Variants in ERC1 observed in about 807,000 individuals in gnomAD.
ERC1 encodes the protein RAB6 interacting protein 2.
In ERC1, 56 loss-of-function variants were observed where a neutral mutation model predicts 132.0. The ratio of observed to expected loss-of-function variants is 0.42; its 90% CI spans 0.34 to 0.53. The LOEUF (loss-of-function observed/expected upper bound fraction) is 0.53. Ranked by LOEUF, ERC1 falls within the 20% of genes least tolerant of loss-of-function variation. The pLI is 0.03. For missense variants in ERC1, 1,202 were observed against 1,349.9 expected, an observed-to-expected ratio of 0.89 and a Z score of 1.72; for synonymous variants, 478 against 476.1, an observed-to-expected ratio of 1.00 and a Z score of -0.05.
At chr12:1,211,548 A>C (rs1594253426) in intron 12 of ERC1, among the ~76,000 whole-genome samples, 1 of 151,986 alleles carries the variant, frequency 6.6e-6, no homozygotes. Flanking sequence ...TATAACTTGG[A>C]TATAATCAGA....
intron 14 of ERC1, among the ~76,000 whole-genome samples, chr12:1,266,073 T>C (rs1468226418): frequency 6.6e-6 from 1 of 152,140 alleles, no homozygotes; most frequent in African/African-American, 2.4e-5. Context: ...TAACTGTGAG[T>C]GTGATTGCTG....
At chr12:1,197,196 G>A (rs1473748565) in intron 12 of ERC1, among the ~76,000 whole-genome samples, 1 of 151,652 alleles carries the variant, frequency 6.6e-6, no homozygotes, top group African/African-American at 2.4e-5. Flanking sequence ...AACCAGGATG[G>A]TCTCGAACTC....
intron 12 of ERC1, among the ~76,000 whole-genome samples, chr12:1,212,615 G>A (rs542711487): frequency 1.3e-5 from 2 of 152,318 alleles, no homozygotes; most frequent in East Asian, 1.9e-4. Flanking sequence ...GCTTGTGTAC[G>A]ATTCGAACGT....
At chr12:1,350,189 C>G (rs1051753220) in intron 15 of ERC1, among the ~76,000 whole-genome samples, 1 of 152,164 alleles carries the variant, frequency 6.6e-6, no homozygotes, top group African/African-American at 2.4e-5. Context: ...TTCTGTTGTT[C>G]TCACCACAGT....
intron 18 of ERC1, chr12:1,445,064 A>C: frequency 3.8e-6 from 1 of 261,852 alleles, no homozygotes; most frequent in African/African-American, 2.2e-5. Context: ...TACAACATGT[A>C]ATTTTGAAAT....
At position 1,138,720 on chromosome 12, in the gene ERC1, A is replaced by T. The variant is rs796573866; in HGVS notation, c.1570-2900A>T. Among the ~76,000 whole-genome samples, 3 of 152,284 alleles carry T rather than the reference A, an allele frequency of 2.0e-5. No individual in the cohort carries two copies. In the South Asian group the frequency reaches 6.2e-4, roughly 32 times the overall value. On this transcript the variant is annotated intron_variant, in intron 7 of 18. Coordinates refer to ENST00000360905, the MANE Select transcript of ERC1 (RefSeq NM_178040.4). ...ATTCAGAGAATGGCAGTACTGCTGC[A>T]ATGGAGAGCCACTGGAAGTGGGGCA...
chr12:1,166,288 A>G (rs1323805883), intron 8 of ERC1, among the ~76,000 whole-genome samples: 1 of 152,164 alleles, frequency 6.6e-6, no homozygotes, highest in Non-Finnish European at 1.5e-5. Flanking sequence ...TGATGGTTTT[A>G]TAAAGAGAAG....
At chr12:1,482,125 T>C (rs960777451) in intron 18 of ERC1, among the ~76,000 whole-genome samples, 2 of 152,162 alleles carry the variant, frequency 1.3e-5, no homozygotes, top group Non-Finnish European at 2.9e-5. Flanking sequence ...GATGCCCATG[T>C]CTGGCCAGCC....
rs138150458 is a variant in ERC1, at chr12:1,479,868, C to T, written c.3214-10225C>T. On this transcript the variant is annotated intron_variant, in intron 18 of 18. Transcript: ENST00000360905. ...CCGGGTGCCCACGTAGTCAACAGCA[C>T]GGAGCTGTCGTGAGCCGTGCCCTTT... 8.1e-4 allele frequency among the ~76,000 whole-genome samples: 123 copies of T among 152,240 alleles called. 1 individual carries two copies. Among genetic ancestry groups the T allele is most frequent in the East Asian group, 2.7e-3 (14 of 5,170 alleles).
chr12:1,467,513 A>G (rs570333697), intron 18 of ERC1, among the ~76,000 whole-genome samples: 83 of 152,154 alleles, frequency 5.5e-4, no homozygotes, highest in Non-Finnish European at 1.0e-3. Flanking sequence ...GGATTCTCCA[A>G]CTTTAGGCTA....
At chr12:1,189,790 T>C (rs1264411165) in intron 11 of ERC1, 69 bp from the exon 12 acceptor site, 1 of 1,206,966 alleles carries the variant, frequency 8.3e-7, no homozygotes, top group Admixed American at 2.5e-5. Flanking sequence ...TATAAATCAT[T>C]GTTTGGGACA....
intron 13 of ERC1, among the ~76,000 whole-genome samples, chr12:1,241,629 C>A (rs1483153887): frequency 6.6e-6 from 1 of 151,994 alleles, no homozygotes; most frequent in East Asian, 1.9e-4. Flanking sequence ...TGCTTTAATG[C>A]ATGTGGAATT....
rs534667628 is a variant in ERC1, at chr12:1,037,936, C to T, written c.669+9364C>T. Among the ~76,000 whole-genome samples, 8 of 151,444 alleles carry T rather than the reference C, an allele frequency of 5.3e-5. No homozygotes were observed. In the East Asian group the frequency reaches 1.4e-3, roughly 26 times the overall value. ...GCGGGCACCTATAGTCCCAGCTACT[C>T]GGGAGGCTGAGGCAGGAGAATAGCG... On this transcript the variant is annotated intron_variant, in intron 2 of 18. Coordinates refer to ENST00000360905, the MANE Select transcript of ERC1 (RefSeq NM_178040.4).
intron 13 of ERC1, among the ~76,000 whole-genome samples, chr12:1,254,593 A>T (rs1225060088): frequency 6.6e-6 from 1 of 151,954 alleles, no homozygotes; most frequent in African/African-American, 2.4e-5. Context: ...GCTCACTGCA[A>T]CCACCGCCTC....
chr12:1,466,490 G>A (rs2093746300), intron 18 of ERC1, among the ~76,000 whole-genome samples: 1 of 152,128 alleles, frequency 6.6e-6, no homozygotes, highest in Admixed American at 6.6e-5. Context: ...GCCCACCACA[G>A]ACATTATGGG....
intron 16 of ERC1, among the ~76,000 whole-genome samples, chr12:1,386,421 G>A (rs1335364911): frequency 6.6e-6 from 1 of 150,614 alleles, no homozygotes; most frequent in Non-Finnish European, 1.5e-5. Flanking sequence ...GCCAAGGCAG[G>A]CAGATCACTT....
intron 1 of ERC1, chr12:998,559 G>A (rs1359939932): frequency 6.6e-6 from 1 of 152,158 alleles, no homozygotes; most frequent in African/African-American, 2.4e-5. Context: ...CTTCAAAAGA[G>A]GACAGATATT....
intron 15 of ERC1, among the ~76,000 whole-genome samples, chr12:1,344,303 G>A (rs1020839208): frequency 6.6e-6 from 1 of 151,984 alleles, no homozygotes. Context: ...GCTTTTCTTC[G>A]CTAATCATGA....
rs1301222387 is a variant in ERC1 at position 1,188,147 on chromosome 12, A to G, written c.2158-1712A>G. Among the ~76,000 whole-genome samples, 4 of 152,318 alleles carry G rather than the reference A, an allele frequency of 2.6e-5. No homozygotes were observed. In the South Asian group the frequency reaches 8.3e-4, roughly 32 times the overall value. On this transcript the variant is annotated intron_variant, in intron 11 of 18. Transcript: ENST00000360905. ...GGCCTTCACTTTTGTTTACACAATC[A>G]TCTTTTGTGCCCCTACATCAAGCTG...
Sources: gnomAD v4.1 joint callset for allele counts (sites outside exome capture counted in the v4.1 genomes callset) on GRCh38, gnomAD v4.1.1 for gene constraint, MANE v1.5 for transcripts, NCBI Gene and HGNC (gene_info 2026-07-23, HGNC 2026-07-21) for gene names.